LRRC37A2: variants seen among roughly 807,000 people sequenced by gnomAD.
LRRC37A2 encodes the protein leucine rich repeat containing 37 member A2, also known as leucine-rich repeat-containing protein 37A2.
Under a neutral mutation model 68.8 loss-of-function variants are expected in LRRC37A2, and 9 were observed. The observed-to-expected ratio is 0.13, with a 90% CI of 0.08 to 0.23. LRRC37A2 has a LOEUF of 0.23. Among genes scored for constraint, LRRC37A2 ranks in the 10% least tolerant of loss-of-function variants. The probability of loss-of-function intolerance (pLI) is 1.00; values close to 1 mark genes in which losing one functional copy is unlikely to be tolerated. For missense variants in LRRC37A2, 168 were observed against 950.4 expected (o/e 0.18, Z 10.82); for synonymous variants, 63 against 367.6 (o/e 0.17, Z 9.48).
At chr17:46,888,421 A>G in the LRRC37A2 span, among the ~76,000 whole-genome samples, 1 of 152,162 alleles carries the variant, frequency 6.6e-6, no homozygotes, top group African/African-American at 2.4e-5. Flanking sequence ...GGTTGCTGTC[A>G]TTGGCAGAGG....
At chr17:46,876,097 T>C in the LRRC37A2 span, 1 of 727,358 alleles carries the variant, frequency 1.4e-6, no homozygotes, top group Non-Finnish European at 2.2e-6. Context: ...CCACAAGAAC[T>C]CCAGGCCAAG....
the LRRC37A2 span, among the ~76,000 whole-genome samples, chr17:46,863,829 A>G: frequency 6.6e-6 from 1 of 152,098 alleles, no homozygotes; most frequent in Non-Finnish European, 1.5e-5. Context: ...TAGTGGTTCT[A>G]TTCCCAAGGG....
the LRRC37A2 span, among the ~76,000 whole-genome samples, chr17:46,799,395 C>T: frequency 6.6e-6 from 1 of 151,896 alleles, no homozygotes. Context: ...ATTAGATGAC[C>T]TGTAGAACAT....
chr17:46,875,706 CTGGAAGCCCAACA>C, the LRRC37A2 span, among the ~76,000 whole-genome samples: 4 of 152,272 alleles, frequency 2.6e-5, no homozygotes, highest in Admixed American at 6.5e-5. Flanking sequence ...CCTGGAGGTC[CTGGAAGCCCAACA>C]TTGTTTGAAA....
chr17:46,888,279 A>G, the LRRC37A2 span, among the ~76,000 whole-genome samples: 1,675 of 152,190 alleles, frequency 0.011, 39 homozygotes, highest in African/African-American at 0.038. Context: ...GCAGGTGTCA[A>G]TGGAAGTTTA....
chr17:46,781,639 G>A, the LRRC37A2 span, among the ~76,000 whole-genome samples: 1 of 152,180 alleles, frequency 6.6e-6, no homozygotes, highest in African/African-American at 2.4e-5. Flanking sequence ...AGTTTGGGAT[G>A]ATGAAAACAG....
At chr17:46,875,247 G>A in the LRRC37A2 span, 42 of 1,614,084 alleles carry the variant, frequency 2.6e-5, no homozygotes, top group Admixed American at 2.2e-4. Context: ...GCAGTGGGGC[G>A]TGTGCGGTGA....
chr17:46,769,708 T>TG, the LRRC37A2 span: 2 of 1,580,304 alleles, frequency 1.3e-6, no homozygotes, highest in South Asian at 2.2e-5. Flanking sequence ...AGGGGTGAGG[T>TG]GGGGGCCAGG....
the LRRC37A2 span, chr17:46,935,357 C>A: frequency 3.8e-4 from 552 of 1,454,662 alleles, no homozygotes; most frequent in Non-Finnish European, 4.5e-4. Context: ...TACCCAGTTC[C>A]TTTGCCAGTG....
the LRRC37A2 span, among the ~76,000 whole-genome samples, chr17:46,958,176 G>A: frequency 6.6e-6 from 1 of 152,216 alleles, no homozygotes. Context: ...GGAATGGGGA[G>A]CAGGCTGCCA....
the LRRC37A2 span, chr17:46,768,693 T>C: frequency 2.5e-6 from 4 of 1,614,102 alleles, no homozygotes; most frequent in Middle Eastern, 1.6e-4. The surrounding 1 kb of genome is among the most constrained non-coding windows in gnomAD (Gnocchi z 5.0). Flanking sequence ...CTTGAGGAAG[T>C]CACCGATGGC....
At chr17:46,954,478 C>T in the LRRC37A2 span, among the ~76,000 whole-genome samples, 1 of 152,192 alleles carries the variant, frequency 6.6e-6, no homozygotes, top group African/African-American at 2.4e-5. Flanking sequence ...GTGATGCCTC[C>T]AGCTTTGTTC....
chr17:46,851,406 G>A, the LRRC37A2 span, among the ~76,000 whole-genome samples: 1 of 151,342 alleles, frequency 6.6e-6, no homozygotes, highest in Admixed American at 6.6e-5. This position sits in a 1 kb window ranked among gnomAD's most constrained non-coding sequence, Gnocchi z 4.3. Flanking sequence ...ATGGGGGAGG[G>A]GCGGGGGCGG....
chr17:46,826,579 G>A, the LRRC37A2 span, among the ~76,000 whole-genome samples: 2 of 152,188 alleles, frequency 1.3e-5, no homozygotes, highest in African/African-American at 4.8e-5. Context: ...TCCCAGCTCT[G>A]CCTCTTACTA....
At chr17:46,734,901 G>T in the LRRC37A2 span, among the ~76,000 whole-genome samples, 1 of 152,134 alleles carries the variant, frequency 6.6e-6, no homozygotes, top group African/African-American at 2.4e-5. Flanking sequence ...ACAAAAAAAA[G>T]TTAGTCGAAT....
the LRRC37A2 span, among the ~76,000 whole-genome samples, chr17:46,734,875 A>G: frequency 1.3e-5 from 2 of 152,144 alleles, no homozygotes; most frequent in Non-Finnish European, 2.9e-5. Context: ...TAGGCAACAT[A>G]GTAAGACCAG....
chr17:46,750,427 T>G, the LRRC37A2 span, among the ~76,000 whole-genome samples: 1 of 152,220 alleles, frequency 6.6e-6, no homozygotes, highest in African/African-American at 2.4e-5. Context: ...GCATTATATT[T>G]AGGTTGAGCG....
the LRRC37A2 span, chr17:46,755,904 A>G: frequency 1.4e-6 from 2 of 1,401,656 alleles, no homozygotes; most frequent in Non-Finnish European, 2.0e-6. Flanking sequence ...GTCTTACTCA[A>G]GATACTGGAC....
At chr17:46,814,507 C>G in the LRRC37A2 span, among the ~76,000 whole-genome samples, 14 of 152,312 alleles carry the variant, frequency 9.2e-5, 1 homozygote, top group South Asian at 1.5e-3. Flanking sequence ...CCATATCCCC[C>G]CCAGGGAAAG....
Sources: allele counts gnomAD v4.1 joint callset (sites outside exome capture counted in the v4.1 genomes callset), GRCh38; gene constraint gnomAD v4.1.1; non-coding constraint Gnocchi (gnomAD v3.1); transcripts MANE v1.5; gene names NCBI Gene and HGNC (gene_info 2026-07-23, HGNC 2026-07-21).